The following RFC1 variants were observed in gnomAD, a reference collection of about 807,000 sequenced individuals.
The protein encoded by RFC1 is replication factor C subunit 1.
A neutral mutation model predicts 137.4 loss-of-function variants in RFC1; 37 were observed. That is an observed-to-expected ratio of 0.27 (90% CI 0.21 to 0.35). RFC1 has a LOEUF of 0.35. RFC1 is among the 10% of genes least tolerant of loss of function. The probability of loss-of-function intolerance (pLI) is 1.00; values close to 1 mark genes in which losing one functional copy is unlikely to be tolerated. For missense variants in RFC1, 1,205 were observed against 1,358.5 expected (o/e 0.89, Z 1.78); for synonymous variants, 429 against 455.7 (o/e 0.94, Z 0.75).
chr4:39,311,415 C>CA, intron 12 of RFC1, 30 bp downstream of exon 12: 1 of 1,562,114 alleles, frequency 6.4e-7, no homozygotes, highest in African/African-American at 1.4e-5. Context: ...TAATATACAC[C>CA]AACTTAAATC....
chr4:39,314,582 T>C (rs1412592737), intron 10 of RFC1, among the ~76,000 whole-genome samples: 2 of 151,978 alleles, frequency 1.3e-5, no homozygotes, highest in Non-Finnish European at 2.9e-5. Context: ...GGGCACCACT[T>C]TGACTGAAGT....
intron 1 of RFC1, among the ~76,000 whole-genome samples, chr4:39,363,416 T>C (rs1741854661): frequency 6.6e-6 from 1 of 152,244 alleles, no homozygotes; most frequent in Non-Finnish European, 1.5e-5. Context: ...AGAGAAATTT[T>C]ATATTTTGGC....
chr4:39,300,390 C>T lies in RFC1; in HGVS notation c.2560G>A (p.Val854Met). The T allele has an allele frequency of 6.2e-7, 1 of 1,614,134 alleles. No homozygotes were observed. The highest frequency in any genetic ancestry group is 1.1e-5 in the South Asian group (1 of 91,076). ...KMGPFDVARK[V>M]FAAGEETAHM... is the part of the protein sequence containing the mutation. ...GCAGTCTCCTCTCCAGCTGCAAACA[C>T]TTTCCGGGCAACATCAAATGGGCCC... Residue 854 changes from valine (V) to methionine (M), a missense_variant, in exon 20 of 25, where the codon GTG becomes ATG. Transcript: ENST00000349703.
At chr4:39,298,135 C>T (rs1291593842) in intron 21 of RFC1, among the ~76,000 whole-genome samples, 1 of 152,002 alleles carries the variant, frequency 6.6e-6, no homozygotes, top group Non-Finnish European at 1.5e-5. Context: ...ATGGCGAAAC[C>T]CCGTCTCTAC....
chr4:39,291,821 C>T lies in RFC1; in HGVS notation c.2986G>A (p.Asp996Asn), dbSNP rs1470519769. ...TYSSKRTVNM[D>N]YLSLLRDALV... ...GCATCCCTTAGAAGCGACAGATAAT[C>T]CATGTTTACAGTCCTTTTGCTGGAG... Residue 996 changes from aspartate to asparagine, a missense_variant, in exon 23 of 25, where the codon GAT (aspartate) becomes AAT (asparagine). By Grantham distance (23) the Asp-to-Asn change is conservative. Transcript: ENST00000349703. The T allele has an allele frequency of 1.2e-6, 2 of 1,614,006 alleles. No homozygotes were observed. The highest frequency in any genetic ancestry group is 1.7e-6 in the Non-Finnish European group (2 of 1,180,000).
intron 24 of RFC1, among the ~76,000 whole-genome samples, chr4:39,289,275 G>A (rs1225567266): frequency 6.6e-6 from 1 of 152,164 alleles, no homozygotes; most frequent in East Asian, 1.9e-4. Context: ...CCACCTGTTA[G>A]GGTCGACATG....
intron 22 of RFC1, among the ~76,000 whole-genome samples, chr4:39,294,469 C>T (rs1417002047): frequency 1.3e-5 from 2 of 150,734 alleles, no homozygotes; most frequent in East Asian, 2.0e-4. Context: ...GTCAGGAGTT[C>T]GAGACCAGCC....
chr4:39,292,909 T>C (rs1231007879), intron 22 of RFC1, among the ~76,000 whole-genome samples: 1 of 152,002 alleles, frequency 6.6e-6, no homozygotes, highest in Non-Finnish European at 1.5e-5. Context: ...CCTCCCAAAG[T>C]GGTGGGATTA....
At chr4:39,353,397 C>CAAAAAAAAAAA (rs11416030) in intron 1 of RFC1, among the ~76,000 whole-genome samples, 1 of 63,516 alleles carries the variant, frequency 1.6e-5, no homozygotes, top group African/African-American at 6.0e-5. Flanking sequence ...GAGACTGTCT[C>CAAAAAAAAAAA]AAAAAAAAAA....
In RFC1 at chr4:39,303,225, A is replaced by G. The variant is rs892355207; in HGVS notation, c.2111-74T>C. The G allele has an allele frequency of 9.4e-5, 88 of 934,746 alleles. No homozygotes were observed. In the Middle Eastern group the frequency reaches 1.9e-3, roughly 20 times the overall value. 57.9% of individuals were successfully genotyped at this position (934,746 alleles called of 1,614,324 possible). On this transcript the variant is annotated intron_variant, in intron 15 of 24. Transcript: ENST00000349703. ...TTGCTCAAAAACTGCTGCTCTGTAGAAAATTATGTAACAGATATTAAACTT... is the reference window on the plus strand; with the variant it reads ...TTGCTCAAAAACTGCTGCTCTGTAGGAAATTATGTAACAGATATTAAACTT...
intron 21 of RFC1, among the ~76,000 whole-genome samples, chr4:39,296,250 C>CTTTTTTTTTTTTTTTT (rs10717106): frequency 4.5e-5 from 6 of 132,750 alleles, no homozygotes; most frequent in Non-Finnish European, 6.4e-5. Flanking sequence ...TTTTTTTTTT[C>CTTTTTTTTTTTTTTTT]TTTTTTTTTT....
Position 39,303,508 on chromosome 4 carries a change from C to T in RFC1, c.2111-357G>A, listed in dbSNP as rs569525419. Among the ~76,000 whole-genome samples, 283 of 152,056 alleles carry T rather than the reference C, an allele frequency of 1.9e-3. 2 individuals carry two copies. The highest frequency in any genetic ancestry group is 6.4e-3 in the African/African-American group (266 of 41,444). On this transcript the variant is annotated intron_variant, in intron 15 of 24. Transcript: ENST00000349703. The stretch of plus-strand genomic sequence containing the variant: ...TTCACTCGTTGCCCAAGCTGGAGTG[C>T]AATGGCACGATATTGGCTCACTGCA...
intron 10 of RFC1, among the ~76,000 whole-genome samples, chr4:39,314,682 CCCCTTAAGG>C (rs1052639860): frequency 5.3e-5 from 8 of 152,194 alleles, no homozygotes; most frequent in African/African-American, 1.7e-4. Context: ...AACCCATAAG[CCCCTTAAGG>C]CCGACCTTCT....
chr4:39,354,010 G>A (rs1019477313), intron 1 of RFC1, among the ~76,000 whole-genome samples: 1 of 152,122 alleles, frequency 6.6e-6, no homozygotes, highest in African/African-American at 2.4e-5. Flanking sequence ...AATCTGCACT[G>A]CCACTCCTTA....
chr4:39,298,681 A>C (rs910419661), intron 21 of RFC1, among the ~76,000 whole-genome samples: 6 of 152,232 alleles, frequency 3.9e-5, no homozygotes, highest in African/African-American at 1.4e-4. Context: ...GGGAGAGCCA[A>C]GAATGACCAA....
chr4:39,357,294 T>C (rs1741524067), intron 1 of RFC1, among the ~76,000 whole-genome samples: 1 of 152,220 alleles, frequency 6.6e-6, no homozygotes, highest in East Asian at 1.9e-4. Flanking sequence ...ACTGCTGTTG[T>C]GGCAAGAGGG....
intron 4 of RFC1, among the ~76,000 whole-genome samples, chr4:39,329,969 G>A (rs1302804981): frequency 6.6e-6 from 1 of 152,120 alleles, no homozygotes; most frequent in Admixed American, 6.5e-5. Context: ...GGGAGGCGGA[G>A]GTCACAGTGA....
chr4:39,304,904 G>T lies in RFC1; in HGVS notation c.2020C>A (p.Leu674Met). ...TTACTCCGGGTGTCACTTGCATTCA[G>T]TTCCACGTAGCTGTATCCCAACTCC... is the stretch of plus-strand genomic sequence containing the variant. ...CQELGYSYVE[L>M]NASDTRSKSS... The change falls in exon 15 of 25, where the codon CTG (leucine) becomes ATG (methionine). Residue 674 changes from leucine to methionine, a missense_variant. Leu to Met is a conservative substitution (Grantham distance 15, BLOSUM62 2). This residue lies in a region of RFC1 where 962 missense variants were observed against 1,035.3 expected (regional missense o/e 0.93). Coordinates refer to ENST00000349703, the MANE Select transcript of RFC1 (RefSeq NM_002913.5). 6.2e-7 allele frequency: 1 copy of T among 1,611,798 alleles called. No homozygotes were observed. Among genetic ancestry groups the T allele is most frequent in the Non-Finnish European group, 8.5e-7 (1 of 1,178,000 alleles).
intron 10 of RFC1, 86 bp from the exon 11 acceptor site, chr4:39,313,017 T>C: frequency 1.8e-6 from 2 of 1,113,736 alleles, no homozygotes; most frequent in South Asian, 3.3e-5. Context: ...AGGAAGTTGA[T>C]TTTTCTCATT....
Sources: gnomAD v4.1 joint callset for allele counts (sites outside exome capture counted in the v4.1 genomes callset) on GRCh38, gnomAD v4.1.1 for gene constraint, gnomAD v4.1.1 regional missense constraint, MANE v1.5 for transcripts, NCBI Gene and HGNC (gene_info 2026-07-23, HGNC 2026-07-21) for gene names.